Variants in ZNF83 observed in about 807,000 individuals in gnomAD.
ZNF83 encodes the protein zinc finger protein 83, also known as zinc finger protein 816B.
For synonymous variants in ZNF83, 209 were observed against 213.0 expected (o/e 0.98, Z 0.17); for missense variants, 552 against 629.9 (o/e 0.88, Z 1.32).
chr19:52,683,787 T>A (rs1172128789), intron 1 of ZNF83, among the ~76,000 whole-genome samples: 1 of 152,136 alleles, frequency 6.6e-6, no homozygotes, highest in Non-Finnish European at 1.5e-5. Flanking sequence ...TGTGGGAACA[T>A]CCTCACATTT....
At chr19:52,659,253 G>A (rs2061546356) in intron 2 of ZNF83, among the ~76,000 whole-genome samples, 1 of 151,784 alleles carries the variant, frequency 6.6e-6, no homozygotes, top group Non-Finnish European at 1.5e-5. Flanking sequence ...AGCTGCGATG[G>A]AAGCATGAGG....
intron 1 of ZNF83, among the ~76,000 whole-genome samples, chr19:52,684,251 A>C (rs1009093974): frequency 1.3e-5 from 2 of 152,132 alleles, no homozygotes; most frequent in Non-Finnish European, 2.9e-5. Flanking sequence ...CTGTAATCCC[A>C]GCTACTCGGG....
intron 2 of ZNF83, among the ~76,000 whole-genome samples, chr19:52,657,134 T>G (rs1279811942): frequency 6.6e-6 from 1 of 151,400 alleles, no homozygotes; most frequent in African/African-American, 2.4e-5. Context: ...TCCCAAAAGT[T>G]GGAAGCTCAT....
chr19:52,680,729 C>T (rs2061899172), intron 1 of ZNF83, among the ~76,000 whole-genome samples: 2 of 142,168 alleles, frequency 1.4e-5, no homozygotes, highest in Admixed American at 6.9e-5. Flanking sequence ...TCTCCTGCCT[C>T]AGCCTCCCGA....
At chr19:52,680,606 A>ATTTTTTT (rs556558292) in intron 1 of ZNF83, among the ~76,000 whole-genome samples, 42 of 88,944 alleles carry the variant, frequency 4.7e-4, no homozygotes, top group African/African-American at 1.6e-3. Flanking sequence ...TCCACAAAAT[A>ATTTTTTT]TTTTTTTTTT....
At chr19:52,627,912 CT>C (rs2060803221) in intron 2 of ZNF83, among the ~76,000 whole-genome samples, 1 of 152,140 alleles carries the variant, frequency 6.6e-6, no homozygotes, top group South Asian at 2.1e-4. Flanking sequence ...TGAAAATGGC[CT>C]GTTCCTGCCT....
At chr19:52,669,622 G>C (rs1467835238) in intron 1 of ZNF83, among the ~76,000 whole-genome samples, 1 of 152,162 alleles carries the variant, frequency 6.6e-6, no homozygotes, top group Non-Finnish European at 1.5e-5. Flanking sequence ...ACATTGCAAG[G>C]TCTGACTGCT....
At chr19:52,679,344 C>T (rs2061869896) in intron 1 of ZNF83, among the ~76,000 whole-genome samples, 1 of 152,118 alleles carries the variant, frequency 6.6e-6, no homozygotes, top group African/African-American at 2.4e-5. Flanking sequence ...GGCATGGTGG[C>T]TCATGCCTGT....
At chr19:52,624,181 C>G (rs996833215) in intron 2 of ZNF83, among the ~76,000 whole-genome samples, 51 of 152,184 alleles carry the variant, frequency 3.4e-4, no homozygotes, top group Non-Finnish European at 1.3e-4. Flanking sequence ...CTACCTTATT[C>G]AATACATTGA....
chr19:52,615,050 C>T (rs1034661248), intron 2 of ZNF83, among the ~76,000 whole-genome samples: 1 of 152,144 alleles, frequency 6.6e-6, no homozygotes, highest in South Asian at 2.1e-4. Context: ...AAACCACTTA[C>T]ATTGCAAAAA....
At chr19:52,633,946 G>C (rs2061058255) in intron 2 of ZNF83, among the ~76,000 whole-genome samples, 1 of 151,922 alleles carries the variant, frequency 6.6e-6, no homozygotes, top group African/African-American at 2.4e-5. Context: ...TACATCATGT[G>C]ATGTTCAAAT....
chr19:52,626,098 C>G (rs140773224), intron 2 of ZNF83, among the ~76,000 whole-genome samples: 1 of 152,188 alleles, frequency 6.6e-6, no homozygotes, highest in East Asian at 1.9e-4. Context: ...CTATCCCACT[C>G]ATGATACCAA....
chr19:52,631,575 C>A (rs2147164374), intron 2 of ZNF83, among the ~76,000 whole-genome samples: 1 of 152,332 alleles, frequency 6.6e-6, no homozygotes, highest in East Asian at 1.9e-4. Context: ...GCTGCACTCA[C>A]TCTTTGTTAA....
intron 2 of ZNF83, among the ~76,000 whole-genome samples, chr19:52,659,312 A>C (rs766191817): frequency 2.6e-5 from 4 of 152,152 alleles, no homozygotes; most frequent in Admixed American, 1.3e-4. Context: ...TGGTCAAGCC[A>C]GTGAGTAATC....
chr19:52,623,369 C>A (rs1354652191), intron 2 of ZNF83, among the ~76,000 whole-genome samples: 1 of 152,164 alleles, frequency 6.6e-6, no homozygotes, highest in Non-Finnish European at 1.5e-5. Context: ...GGGCCTGTTT[C>A]CCTTGCCTCC....
intron 1 of ZNF83, among the ~76,000 whole-genome samples, chr19:52,680,858 C>T (rs939750189): frequency 4.0e-5 from 6 of 151,220 alleles, no homozygotes; most frequent in Admixed American, 6.6e-5. Context: ...GTGATCCGCC[C>T]GCCTCGGCCT....
chr19:52,686,459 C>CATATAT (rs3055374), intron 1 of ZNF83, among the ~76,000 whole-genome samples: 96 of 143,122 alleles, frequency 6.7e-4, no homozygotes, highest in South Asian at 1.5e-3. Context: ...AAAAAAATTA[C>CATATAT]ATATATATAT....
chr19:52,647,580 C>T (rs183377786), intron 3 of ZNF83, among the ~76,000 whole-genome samples: 378 of 152,106 alleles, frequency 2.5e-3, no homozygotes, highest in Non-Finnish European at 4.1e-3. Flanking sequence ...CTGTGCCTGG[C>T]CCCTCTGTCT....
intron 1 of ZNF83, among the ~76,000 whole-genome samples, chr19:52,678,973 CAAA>C (rs11365430): frequency 5.8e-5 from 8 of 138,368 alleles, no homozygotes; most frequent in Admixed American, 7.1e-5. Context: ...GACTCCATCT[CAAA>C]AAAAAAAAAA....
Sources: allele counts gnomAD v4.1 joint callset (sites outside exome capture counted in the v4.1 genomes callset), GRCh38; gene constraint gnomAD v4.1.1; transcripts MANE v1.5; gene names NCBI Gene and HGNC (gene_info 2026-07-23, HGNC 2026-07-21).